The following RUFY1 variants were observed in gnomAD, a reference collection of about 807,000 sequenced individuals.
The protein encoded by RUFY1 is RUN and FYVE domain containing 1.
Under a neutral mutation model 94.6 loss-of-function variants are expected in RUFY1, and 54 were observed. The ratio of observed to expected loss-of-function variants is 0.57; its 90% CI spans 0.46 to 0.72. RUFY1 has a LOEUF of 0.72. RUFY1 is among the 30% of genes least tolerant of loss of function. The pLI is 0.00. For synonymous variants in RUFY1, 396 were observed against 347.3 expected (o/e 1.14, Z -1.56); for missense variants, 883 against 883.9 (o/e 1.00, Z 0.01).
intron 14 of RUFY1, among the ~76,000 whole-genome samples, chr5:179,600,283 A>G (rs1421629311): frequency 6.6e-6 from 1 of 152,202 alleles, no homozygotes; most frequent in Non-Finnish European, 1.5e-5. Flanking sequence ...CGCTGCTCCC[A>G]GTGGTCCCAG....
At chr5:179,574,778 A>G (rs1262072596) in intron 5 of RUFY1, among the ~76,000 whole-genome samples, 1 of 152,132 alleles carries the variant, frequency 6.6e-6, no homozygotes, top group Non-Finnish European at 1.5e-5. Flanking sequence ...AAATTTGTCT[A>G]CTTGGTTGAA....
intron 7 of RUFY1, among the ~76,000 whole-genome samples, chr5:179,583,536 C>A (rs1464045937): frequency 1.4e-5 from 2 of 146,092 alleles, no homozygotes; most frequent in African/African-American, 5.0e-5. Flanking sequence ...CCTGCCTCAG[C>A]CTCTCGAGTA....
At chr5:179,586,124 T>C (rs1409647864) in intron 8 of RUFY1, among the ~76,000 whole-genome samples, 3 of 152,180 alleles carry the variant, frequency 2.0e-5, no homozygotes. Context: ...AAGGAAATTG[T>C]TCTTTGGAAG....
chr5:179,576,962 TA>T, intron 5 of RUFY1, 112 bp from the exon 6 acceptor site: 1 of 774,738 alleles, frequency 1.3e-6, no homozygotes, highest in Non-Finnish European at 2.2e-6. Flanking sequence ...CTGGCTGACC[TA>T]AATAAATGTT....
intron 10 of RUFY1, among the ~76,000 whole-genome samples, chr5:179,592,152 T>C (rs1765171595): frequency 1.3e-5 from 2 of 151,484 alleles, no homozygotes; most frequent in African/African-American, 4.9e-5. Flanking sequence ...GGAGTTTCAC[T>C]CTTGTCGCCC....
chr5:179,607,554 G>A (rs778123759), intron 16 of RUFY1, 28 bp from the exon 17 acceptor site: 5 of 1,606,498 alleles, frequency 3.1e-6, no homozygotes, highest in Middle Eastern at 3.3e-4. Flanking sequence ...GACAGAAAGT[G>A]GATTCTAGAA....
intron 12 of RUFY1, among the ~76,000 whole-genome samples, chr5:179,595,434 A>G (rs1765537214): frequency 6.6e-6 from 1 of 152,232 alleles, no homozygotes; most frequent in African/African-American, 2.4e-5. Context: ...ATGGACAGCA[A>G]AAAAGTACAT....
At chr5:179,566,656 A>G (rs1762855169) in intron 3 of RUFY1, among the ~76,000 whole-genome samples, 1 of 152,052 alleles carries the variant, frequency 6.6e-6, no homozygotes, top group Non-Finnish European at 1.5e-5. Context: ...TGGTTCCACA[A>G]CATTGTGAAT....
intron 15 of RUFY1, among the ~76,000 whole-genome samples, chr5:179,603,157 C>T (rs1292129493): frequency 2.0e-5 from 3 of 151,994 alleles, no homozygotes; most frequent in Non-Finnish European, 2.9e-5. Flanking sequence ...CCCAGCTACT[C>T]GGGAGGCTGA....
At chr5:179,583,335 G>A (rs1764312784) in intron 7 of RUFY1, among the ~76,000 whole-genome samples, 1 of 151,478 alleles carries the variant, frequency 6.6e-6, no homozygotes, top group Non-Finnish European at 1.5e-5. Flanking sequence ...CATTTATGAG[G>A]CAATACGTTG....
intron 7 of RUFY1, among the ~76,000 whole-genome samples, chr5:179,584,184 CTT>C (rs1441486192): frequency 1.3e-5 from 2 of 151,834 alleles, no homozygotes; most frequent in Non-Finnish European, 2.9e-5. Context: ...CATTTTGTGT[CTT>C]TGTATTTTTA....
chr5:179,580,448 T>A (rs1157642390), intron 6 of RUFY1, among the ~76,000 whole-genome samples: 1 of 151,674 alleles, frequency 6.6e-6, no homozygotes, highest in African/African-American at 2.4e-5. Flanking sequence ...TTCACCGTGT[T>A]AGCCAGGATG....
chr5:179,593,366 A>AT (rs1290269065), intron 10 of RUFY1, 112 bp from the exon 11 acceptor site: 3 of 1,292,658 alleles, frequency 2.3e-6, no homozygotes, highest in Non-Finnish European at 3.3e-6. Flanking sequence ...GGCATGAGCC[A>AT]CCACACCCAG....
At chr5:179,572,545 C>A in intron 5 of RUFY1, 1 of 220,066 alleles carries the variant, frequency 4.5e-6, no homozygotes. Context: ...TCTTTATCAT[C>A]GATGGCAAGG....
At chr5:179,607,438 C>A (rs1767218382) in intron 16 of RUFY1, 144 bp from the exon 17 acceptor site, 1 of 708,864 alleles carries the variant, frequency 1.4e-6, no homozygotes, top group South Asian at 1.6e-5. Flanking sequence ...TGATGACAGT[C>A]CTGTGAGGCC....
At chr5:179,606,159 T>C (rs998455613) in intron 16 of RUFY1, 13 of 574,008 alleles carry the variant, frequency 2.3e-5, no homozygotes, top group African/African-American at 1.7e-4. Flanking sequence ...CACCATCAGC[T>C]GTGCTTTCAA....
At chr5:179,569,679 C>A (rs539579948) in intron 5 of RUFY1, among the ~76,000 whole-genome samples, 106 of 151,992 alleles carry the variant, frequency 7.0e-4, no homozygotes, top group Middle Eastern at 3.4e-3. Flanking sequence ...GCTCTGTGGG[C>A]GAGGTGAAAG....
At position 179,550,563 on chromosome 5, in the gene RUFY1, G is replaced by A. The variant is rs757554454; in HGVS notation, c.-7G>A. ...GCCCGCCCGCTGGGTCACATGACAC[G>A]GCCAAGATGGCCGACCGGGAAGGCG... On this transcript the variant is annotated 5_prime_UTR_variant, in exon 1 of 18. Coordinates refer to ENST00000319449, the MANE Select transcript of RUFY1 (RefSeq NM_025158.5). 16 of 1,251,220 alleles carry A rather than the reference G, an allele frequency of 1.3e-5. No individual in the cohort carries two copies. The highest frequency in any genetic ancestry group is 6.7e-5 in the African/African-American group (4 of 59,598). The allele number at this position is 1,251,220 out of a possible 1,614,324, so 77.5% of individuals were successfully genotyped here. A position where few individuals can be genotyped will look rare whatever the true frequency, so the allele number is the denominator to read the frequency against.
At chr5:179,595,176 TTACTAAAAA>T (rs147489102) in intron 12 of RUFY1, among the ~76,000 whole-genome samples, 9,901 of 150,584 alleles carry the variant, frequency 0.066, 399 homozygotes, top group South Asian at 0.11. Flanking sequence ...AACCCTGTCT[TTACTAAAAA>T]TACTAAAAAT....
Sources: allele counts gnomAD v4.1 joint callset (sites outside exome capture counted in the v4.1 genomes callset), GRCh38; gene constraint gnomAD v4.1.1; transcripts MANE v1.5; gene names NCBI Gene and HGNC (gene_info 2026-07-23, HGNC 2026-07-21).